Variants in EYS observed in about 807,000 individuals in gnomAD.
EYS encodes EGF-like photoreceptor maintenance factor.
EYS carries 250 observed loss-of-function variants against 282.1 expected under a neutral mutation model. The ratio of observed to expected loss-of-function variants is 0.89; its 90% confidence interval spans 0.80 to 0.98. EYS has a LOEUF of 0.98. Among genes scored for constraint, EYS ranks in the 50% least tolerant of loss-of-function variants. EYS has a pLI of 0.00. For synonymous variants in EYS, 1,355 were observed against 1,282.9 expected (o/e 1.06, Z -1.20); for missense variants, 4,016 against 3,709.0 (o/e 1.08, Z -2.15).
chr6:64,498,628 C>G (rs2150510456), intron 26 of EYS, among the ~76,000 whole-genome samples: 1 of 152,062 alleles, frequency 6.6e-6, no homozygotes, highest in South Asian at 2.1e-4. Flanking sequence ...CCCCTTTCCC[C>G]CCACCCACCA....
At chr6:65,251,461 A>AG (rs1341731257) in intron 12 of EYS, among the ~76,000 whole-genome samples, 7 of 151,706 alleles carry the variant, frequency 4.6e-5, no homozygotes, top group African/African-American at 1.7e-4. Context: ...CCAAACAAAA[A>AG]AAAACAACAA....
At chr6:65,296,141 A>T (rs1271192368) in intron 11 of EYS, 22 bp from the exon 12 acceptor site, 1 of 1,533,724 alleles carries the variant, frequency 6.5e-7, no homozygotes, top group East Asian at 2.5e-5. Context: ...AGAAATGAAA[A>T]ACCCAATTAG....
chr6:64,958,850 G>A (rs1222426745), intron 14 of EYS, among the ~76,000 whole-genome samples: 2 of 151,122 alleles, frequency 1.3e-5, no homozygotes, highest in Non-Finnish European at 2.9e-5. Flanking sequence ...TAATTTCTTG[G>A]CAATTGGTAA....
intron 31 of EYS, among the ~76,000 whole-genome samples, chr6:64,110,243 C>A (rs1773162408): frequency 6.6e-6 from 1 of 151,962 alleles, no homozygotes; most frequent in Non-Finnish European, 1.5e-5. Flanking sequence ...CTCCACTTCA[C>A]ATAAATAATA....
In EYS at chr6:64,482,032, C is replaced by G. The variant is rs116607115; in HGVS notation, c.5645-42680G>C. On this transcript the variant is annotated intron_variant, in intron 26 of 42. Transcript: ENST00000503581. ...TGAGCTCAGGTTTGGTTAACTCAGC[C>G]CTATTCTAATGTTACCAAGTCTCTT... is the stretch of plus-strand genomic sequence containing the variant. Among the ~76,000 whole-genome samples, 1,120 of 151,762 alleles carry G rather than the reference C, an allele frequency of 7.4e-3. 8 individuals are homozygous for G. The highest frequency in any genetic ancestry group is 0.026 in the African/African-American group (1,077 of 41,464).
At chr6:63,823,315 A>G (rs185293180) in intron 36 of EYS, among the ~76,000 whole-genome samples, 3 of 152,300 alleles carry the variant, frequency 2.0e-5, no homozygotes, top group Admixed American at 2.0e-4. Context: ...GTAACACTGA[A>G]ATAATCTGTT....
chr6:64,216,852 T>C (rs1439333157), intron 31 of EYS, among the ~76,000 whole-genome samples: 1 of 152,042 alleles, frequency 6.6e-6, no homozygotes, highest in Non-Finnish European at 1.5e-5. Context: ...TAAAAGGGGC[T>C]CTCAAAGACA....
intron 35 of EYS, among the ~76,000 whole-genome samples, chr6:63,956,517 A>G (rs925535557): frequency 6.6e-6 from 1 of 152,194 alleles, no homozygotes; most frequent in Non-Finnish European, 1.5e-5. Flanking sequence ...ATGGACGTGC[A>G]TGACACTGCT....
intron 12 of EYS, among the ~76,000 whole-genome samples, chr6:65,237,779 A>G (rs1391345438): frequency 2.0e-5 from 3 of 152,168 alleles, no homozygotes; most frequent in African/African-American, 7.2e-5. Flanking sequence ...ATACTGTTAT[A>G]CAAATTCTTC....
chr6:63,857,626 T>A (rs774344929), intron 36 of EYS: 22 of 440,986 alleles, frequency 5.0e-5, no homozygotes, highest in Non-Finnish European at 9.3e-5. Flanking sequence ...GTGCTCAGTG[T>A]GCATTTTCTG....
At chr6:65,088,677 T>C (rs372479602) in intron 12 of EYS, among the ~76,000 whole-genome samples, 10 of 152,260 alleles carry the variant, frequency 6.6e-5, no homozygotes, top group African/African-American at 2.4e-4. Context: ...AAGCCTGCTA[T>C]AGAAATTTGC....
intron 29 of EYS, among the ~76,000 whole-genome samples, chr6:64,352,200 T>TA (rs937237617): frequency 1.5e-4 from 23 of 151,384 alleles, no homozygotes; most frequent in African/African-American, 5.1e-4. Context: ...AATACAGAAT[T>TA]AAAAAAATAA....
intron 8 of EYS, among the ~76,000 whole-genome samples, chr6:65,376,386 T>C (rs1765365066): frequency 6.6e-6 from 1 of 151,858 alleles, no homozygotes; most frequent in Admixed American, 6.6e-5. Context: ...GTACTAAATA[T>C]AGAAAGGAAA....
intron 11 of EYS, among the ~76,000 whole-genome samples, chr6:65,317,960 G>A (rs1351728986): frequency 6.7e-6 from 1 of 149,748 alleles, no homozygotes. Flanking sequence ...CTCCTCCTCC[G>A]GGGTTCAAGC....
At chr6:63,928,472 A>T (rs537379384) in intron 35 of EYS, among the ~76,000 whole-genome samples, 2 of 152,314 alleles carry the variant, frequency 1.3e-5, no homozygotes, top group Admixed American at 1.3e-4. Context: ...GTCAAATGAC[A>T]AAATAATTTG....
intron 29 of EYS, among the ~76,000 whole-genome samples, chr6:64,319,023 ATATTTT>A (rs1486097293): frequency 2.6e-5 from 4 of 151,896 alleles, no homozygotes; most frequent in Non-Finnish European, 5.9e-5. Flanking sequence ...GTATCTAATT[ATATTTT>A]TGTGCGTATT....
chr6:65,295,717 T>A (rs1406479840), intron 12 of EYS, 146 bp downstream of exon 12: 2 of 1,492 alleles, frequency 1.3e-3, no homozygotes, highest in Non-Finnish European at 0.013. Context: ...AGTGAATGCA[T>A]TTTTTTTTTT....
intron 38 of EYS, among the ~76,000 whole-genome samples, chr6:63,788,818 A>C (rs1770434736): frequency 6.6e-6 from 1 of 152,080 alleles, no homozygotes; most frequent in Admixed American, 6.5e-5. Context: ...CTCAAGCATC[A>C]CCTTCTCTGG....
chr6:63,949,816 T>G (rs1427873167), intron 35 of EYS, among the ~76,000 whole-genome samples: 1 of 152,200 alleles, frequency 6.6e-6, no homozygotes, highest in East Asian at 1.9e-4. Flanking sequence ...CAAAATGTCA[T>G]TTGCCTTAGG....
Sources: allele counts gnomAD v4.1 joint callset (sites outside exome capture counted in the v4.1 genomes callset), GRCh38; gene constraint gnomAD v4.1.1; transcripts MANE v1.5; gene names NCBI Gene and HGNC (gene_info 2026-07-23, HGNC 2026-07-21).